Variants in PGM3 observed in about 807,000 individuals in gnomAD.
The protein encoded by PGM3 is phosphoacetylglucosamine mutase.
In PGM3, 40 loss-of-function variants were observed where a neutral mutation model predicts 66.2. The observed-to-expected ratio is 0.60, with a 90% confidence interval of 0.47 to 0.79. The LOEUF (loss-of-function observed/expected upper bound fraction) is 0.79. PGM3 is among the 30% of genes least tolerant of loss of function. The pLI is 0.00. For synonymous variants in PGM3, 191 were observed against 224.2 expected, an observed-to-expected ratio of 0.85 and a Z score of 1.32; for missense variants, 537 against 643.4, an observed-to-expected ratio of 0.83 and a Z score of 1.79.
intron 7 of PGM3, 132 bp downstream of exon 7, chr6:83,179,678 T>C (rs1317676053): frequency 2.1e-5 from 14 of 658,886 alleles, no homozygotes; most frequent in Non-Finnish European, 3.2e-5. Context: ...ACCACTGCTC[T>C]TTTTTTAATT....
chr6:83,192,997 C>A (rs1160192163), intron 1 of PGM3, 182 bp downstream of exon 1: 1 of 152,300 alleles, frequency 6.6e-6, no homozygotes, highest in East Asian at 1.9e-4. Context: ...CCCGTCCCGA[C>A]CAGCCCGCCC....
intron 10 of PGM3, among the ~76,000 whole-genome samples, chr6:83,172,440 C>T (rs953669421): frequency 3.3e-5 from 5 of 151,528 alleles, no homozygotes; most frequent in Non-Finnish European, 7.4e-5. Flanking sequence ...CACTCCTGAC[C>T]TCACTGTCAG....
chr6:83,156,836 TTTTG>T (rs1223472892), downstream of PGM3, among the ~76,000 whole-genome samples: 3 of 152,202 alleles, frequency 2.0e-5, no homozygotes, highest in Non-Finnish European at 4.4e-5. Flanking sequence ...CTACAATTTT[TTTTG>T]TTTAAGTTGA....
At chr6:83,175,323 T>C (rs1787676421) in intron 9 of PGM3, among the ~76,000 whole-genome samples, 1 of 152,246 alleles carries the variant, frequency 6.6e-6, no homozygotes, top group Admixed American at 6.5e-5. Flanking sequence ...AATTGCATTT[T>C]GTAGGAACTT....
chr6:83,149,093 T>TA, the PGM3 span, among the ~76,000 whole-genome samples: 4,923 of 152,104 alleles, frequency 0.032, 201 homozygotes, highest in African/African-American at 0.091. Context: ...GTAACTACAC[T>TA]AACATAAAAC....
chr6:83,151,564 C>A, the PGM3 span: 4 of 1,560,576 alleles, frequency 2.6e-6, no homozygotes, highest in Admixed American at 6.0e-5. Flanking sequence ...TGATATTTCC[C>A]GTTTCTGTTT....
the PGM3 span, among the ~76,000 whole-genome samples, chr6:83,151,062 G>A: frequency 5.3e-5 from 8 of 151,966 alleles, no homozygotes; most frequent in Non-Finnish European, 8.8e-5. Context: ...ATTTTGTGTC[G>A]GCTTCTTTTG....
the PGM3 span, among the ~76,000 whole-genome samples, chr6:83,150,914 C>T: frequency 6.6e-6 from 1 of 152,128 alleles, no homozygotes; most frequent in Non-Finnish European, 1.5e-5. Context: ...TCATTACAAA[C>T]CCAAATTAAG....
rs1198945312 is a variant in PGM3, at chr6:83,172,015, G to A, written c.1287C>T (p.Ile429=). ...AISDMLVIEA[I]LALKGLTVQQ... is the part of the protein sequence containing the mutation. ...GTACAGTCAAGCCCTTCAGAGCCAA[G>A]ATTGCTTCAATCACCAGCATGTCAG... Residue 429 remains isoleucine, a synonymous_variant, in exon 11 of 13, where the codon ATC becomes ATT. Coordinates refer to ENST00000513973, the MANE Select transcript of PGM3 (RefSeq NM_015599.3). 6.2e-7 allele frequency: 1 copy of A among 1,613,708 alleles called. No homozygotes were observed. The highest frequency in any genetic ancestry group is 8.5e-7 in the Non-Finnish European group (1 of 1,179,598).
rs567172611 is a variant in PGM3 at position 83,192,147 on chromosome 6, T to C, written c.-3+1032A>G. Reference sequence around the variant, plus strand: ...CTGGCGTGGTGGTGCGCGCCTGTAGTCCCAGCTACTCAGGAGGCTGACGCA... The same window carrying C: ...CTGGCGTGGTGGTGCGCGCCTGTAGCCCCAGCTACTCAGGAGGCTGACGCA... On this transcript the variant is annotated intron_variant, in intron 1 of 12. Coordinates refer to ENST00000513973, the MANE Select transcript of PGM3 (RefSeq NM_015599.3). 2.0e-4 allele frequency among the ~76,000 whole-genome samples: 30 copies of C among 150,776 alleles called. 1 individual carries two copies. Among genetic ancestry groups the C allele is most frequent in the African/African-American group, 7.3e-4 (30 of 40,996 alleles).
downstream of PGM3, among the ~76,000 whole-genome samples, chr6:83,157,987 CTTTTA>C (rs914820616): frequency 6.6e-6 from 1 of 151,890 alleles, no homozygotes; most frequent in African/African-American, 2.4e-5. Flanking sequence ...TTTAATCTTT[CTTTTA>C]TTTTTCCTTT....
At chr6:83,180,536 C>T (rs917235009) in intron 6 of PGM3, among the ~76,000 whole-genome samples, 1 of 152,164 alleles carries the variant, frequency 6.6e-6, no homozygotes, top group African/African-American at 2.4e-5. Flanking sequence ...GCCATGACAG[C>T]AGCAGAGTGA....
chr6:83,180,698 A>G (rs1788116442), intron 6 of PGM3, among the ~76,000 whole-genome samples: 1 of 152,232 alleles, frequency 6.6e-6, no homozygotes, highest in Non-Finnish European at 1.5e-5. Flanking sequence ...AGAGAGTAAG[A>G]GCTCAGTATT....
downstream of PGM3, among the ~76,000 whole-genome samples, chr6:83,164,427 T>C (rs1167862552): frequency 6.6e-6 from 1 of 152,046 alleles, no homozygotes; most frequent in Non-Finnish European, 1.5e-5. Flanking sequence ...CAGGCACATG[T>C]CCTTTTCTGT....
In PGM3 at chr6:83,168,916, T is replaced by A; in HGVS notation, c.*318A>T. The A allele has an allele frequency of 9.2e-7, 1 of 1,085,148 alleles. No homozygotes were observed. The highest frequency in any genetic ancestry group is 1.1e-6 in the Non-Finnish European group (1 of 890,554). The allele number at this position is 1,085,148 out of a possible 1,614,324, so 67.2% of individuals were successfully genotyped here. On this transcript the variant is annotated 3_prime_UTR_variant, in exon 13 of 13. Transcript: ENST00000513973. ...CAAAGATATCACAAGGAGTTGGTAA[T>A]AAGATTTAATTTTCCAGTAGCCTGC...
downstream of PGM3, among the ~76,000 whole-genome samples, chr6:83,156,790 C>T (rs547192057): frequency 6.6e-6 from 1 of 152,294 alleles, no homozygotes; most frequent in Admixed American, 6.5e-5. Context: ...CCTTTTACGC[C>T]TAATTTCAGA....
Position 83,168,959 on chromosome 6 carries a change from TA to T in PGM3, c.*274del. 5.1e-6 allele frequency: 6 copies of T among 1,176,834 alleles called. No homozygotes were observed. Among genetic ancestry groups the T allele is most frequent in the Non-Finnish European group, 6.3e-6 (6 of 947,022 alleles). 72.9% of individuals were successfully genotyped at this position (1,176,834 alleles called of 1,614,324 possible). ...TAGCCTGCATGAATTGTTCCCCACA[TA>T]AAACTGTACAGTTAGTGACTGAATT... On this transcript the variant is annotated 3_prime_UTR_variant, in exon 13 of 13. Coordinates refer to ENST00000513973, the MANE Select transcript of PGM3 (RefSeq NM_015599.3).
chr6:83,152,268 TA>T, the PGM3 span: 1 of 1,466,484 alleles, frequency 6.8e-7, no homozygotes, highest in South Asian at 1.3e-5. Flanking sequence ...GCCATATCTT[TA>T]ATTTTCTCTT....
In PGM3 at chr6:83,170,286, T is replaced by C. The variant is rs115918938; in HGVS notation, c.1539+19A>G. The C allele has an allele frequency of 1.1e-3, 1,803 of 1,611,944 alleles. 22 individuals are homozygous for C. In the African/African-American group the frequency reaches 0.022, roughly 19 times the overall value. On this transcript the variant is annotated intron_variant, in intron 12 of 12. Transcript: ENST00000513973. ...CACCTAATATTAGGCTCTTTTTCAA[T>C]AGAACTATCCCAGCTTACTTGTGAG...
Sources: allele counts gnomAD v4.1 joint callset (sites outside exome capture counted in the v4.1 genomes callset), GRCh38; gene constraint gnomAD v4.1.1; transcripts MANE v1.5; gene names NCBI Gene and HGNC (gene_info 2026-07-23, HGNC 2026-07-21).